PLGRKT: variants seen among roughly 807,000 people sequenced by gnomAD.
The protein encoded by PLGRKT is plasminogen receptor (KT).
In PLGRKT, 22 loss-of-function variants were observed where a neutral mutation model predicts 18.5. That is an observed-to-expected ratio of 1.19 (90% CI 0.85 to 1.70). The LOEUF (loss-of-function observed/expected upper bound fraction) is 1.70, where lower values mean the gene tolerates loss of function less well. PLGRKT is among the 40% of genes most tolerant of loss of function. PLGRKT has a pLI of 0.00. For missense variants in PLGRKT, 235 were observed against 174.4 expected (o/e 1.35, Z -1.96); for synonymous variants, 72 against 52.8 (o/e 1.36, Z -1.58).
At position 5,372,528 on chromosome 9, in the gene PLGRKT, G is replaced by A. The variant is rs147267852; in HGVS notation, c.82-10640C>T. 7.5e-3 allele frequency among the ~76,000 whole-genome samples: 1,148 copies of A among 152,294 alleles called. 11 individuals carry two copies. Among genetic ancestry groups the A allele is most frequent in the African/African-American group, 0.026 (1,093 of 41,560 alleles). On this transcript the variant is annotated intron_variant, in intron 3 of 5. Transcript: ENST00000223864. ...GTAAGTTTGCACTCTACATTATCAG[G>A]AATGATGCAGCCATTCTGGAGAAAT...
At position 5,401,812 on chromosome 9, in the gene PLGRKT, A is replaced by G. The variant is rs199803199; in HGVS notation, c.81+30085T>C. On this transcript the variant is annotated intron_variant, in intron 3 of 5. Coordinates refer to ENST00000223864, the MANE Select transcript of PLGRKT (RefSeq NM_018465.4). Reference sequence around the variant, plus strand: ...TCTGAAAGGTGACATCAATTTTTTTATTTTATTTTTTCCTTCCCAAAGGCG... The same window carrying G: ...TCTGAAAGGTGACATCAATTTTTTTGTTTTATTTTTTCCTTCCCAAAGGCG... Among the ~76,000 whole-genome samples the G allele has an allele frequency of 5.6e-3, 847 of 151,930 alleles. 27 individuals carry two copies. In the East Asian group the frequency reaches 0.085, roughly 15 times the overall value.
chr9:5,371,511 T>C (rs1817515112), intron 3 of PLGRKT, among the ~76,000 whole-genome samples: 1 of 152,200 alleles, frequency 6.6e-6, no homozygotes, highest in African/African-American at 2.4e-5. Flanking sequence ...TCATTTTCTC[T>C]TGCCACCGCC....
intron 2 of PLGRKT, among the ~76,000 whole-genome samples, chr9:5,434,276 T>C (rs1021936988): frequency 1.6e-5 from 2 of 122,814 alleles, no homozygotes; most frequent in African/African-American, 6.5e-5. Context: ...GTCTGGGAGG[T>C]GGGGAGCGCC....
intron 3 of PLGRKT, among the ~76,000 whole-genome samples, chr9:5,430,075 C>T (rs567385844): frequency 3.9e-5 from 6 of 152,224 alleles, no homozygotes; most frequent in African/African-American, 9.6e-5. Flanking sequence ...TCATTTCGCC[C>T]GTGCCCATCT....
intron 3 of PLGRKT, among the ~76,000 whole-genome samples, chr9:5,405,033 C>G (rs2062014938): frequency 6.6e-6 from 1 of 151,932 alleles, no homozygotes; most frequent in African/African-American, 2.4e-5. Context: ...TCACAACTGC[C>G]ACAAAGAAAA....
intron 1 of PLGRKT, chr9:5,437,528 A>T (rs981396516): frequency 1.7e-4 from 26 of 152,210 alleles, no homozygotes; most frequent in African/African-American, 6.0e-4. Flanking sequence ...TTCTGTTGAG[A>T]GCACTGTGCC....
At chr9:5,366,570 A>G (rs1259182669) in intron 3 of PLGRKT, among the ~76,000 whole-genome samples, 1 of 152,302 alleles carries the variant, frequency 6.6e-6, no homozygotes, top group East Asian at 1.9e-4. Context: ...GACGCTCCAC[A>G]AACTAGGCAT....
intron 3 of PLGRKT, among the ~76,000 whole-genome samples, chr9:5,406,503 G>A (rs966471057): frequency 3.3e-5 from 5 of 151,446 alleles, no homozygotes; most frequent in East Asian, 1.9e-4. Flanking sequence ...ACAAACTAAC[G>A]CAGGAACAGA....
chr9:5,394,573 C>A (rs754734035), intron 3 of PLGRKT, among the ~76,000 whole-genome samples: 4 of 151,666 alleles, frequency 2.6e-5, no homozygotes, highest in Admixed American at 2.6e-4. Flanking sequence ...CCACCATGCC[C>A]GGCTAATTTT....
intron 3 of PLGRKT, among the ~76,000 whole-genome samples, chr9:5,413,592 C>T (rs1043806407): frequency 2.6e-5 from 4 of 152,198 alleles, no homozygotes; most frequent in African/African-American, 9.6e-5. Context: ...GGAATGCAGG[C>T]AGCCTCTAGA....
At chr9:5,365,317 C>A (rs1439626893) in intron 3 of PLGRKT, among the ~76,000 whole-genome samples, 1 of 152,112 alleles carries the variant, frequency 6.6e-6, no homozygotes, top group Admixed American at 6.5e-5. Context: ...AAAGCTGGAA[C>A]AATTTTATCA....
Position 5,418,763 on chromosome 9 carries a change from G to T in PLGRKT, c.81+13134C>A. 2 of 717,774 alleles carry T rather than the reference G, an allele frequency of 2.8e-6. No individual in the cohort carries two copies. The allele number at this position is 717,774 out of a possible 1,614,324, so 44.5% of individuals were successfully genotyped here. A position where few individuals can be genotyped will look rare whatever the true frequency, so the allele number is the denominator to read the frequency against. The stretch of plus-strand genomic sequence containing the variant: ...ATGGTGATGACAGCCAGGACCTCGG[G>T]GTCGTCGAGGAGCTGCGACACGGAG... On this transcript the variant is annotated intron_variant, in intron 3 of 5. Coordinates refer to ENST00000223864, the MANE Select transcript of PLGRKT (RefSeq NM_018465.4). The surrounding 1 kb of genome is among the most constrained non-coding windows in gnomAD (Gnocchi z 4.2).
At chr9:5,393,552 A>G (rs1213613535) in intron 3 of PLGRKT, among the ~76,000 whole-genome samples, 1 of 151,894 alleles carries the variant, frequency 6.6e-6, no homozygotes, top group Non-Finnish European at 1.5e-5. Flanking sequence ...CTCAGCAACA[A>G]ATATGGACCT....
intron 2 of PLGRKT, among the ~76,000 whole-genome samples, chr9:5,435,710 T>C (rs1818947140): frequency 6.6e-6 from 1 of 152,226 alleles, no homozygotes; most frequent in South Asian, 2.1e-4. Context: ...TTCAGAATAC[T>C]GCAAAACTCA....
At chr9:5,387,482 T>C (rs950671019) in intron 3 of PLGRKT, among the ~76,000 whole-genome samples, 4 of 151,950 alleles carry the variant, frequency 2.6e-5, no homozygotes, top group African/African-American at 9.7e-5. Context: ...AATGTATTAC[T>C]TCTACAAGCA....
chr9:5,413,131 T>C (rs534502030), intron 3 of PLGRKT, among the ~76,000 whole-genome samples: 8 of 152,340 alleles, frequency 5.3e-5, no homozygotes, highest in East Asian at 1.9e-4. Context: ...TTCAAATTGA[T>C]AAACCCTTCT....
In PLGRKT at chr9:5,434,734, C is replaced by T. The variant is rs370007291; in HGVS notation, c.-7+1835G>A. On this transcript the variant is annotated intron_variant, in intron 2 of 5. Transcript: ENST00000223864. ...GCCGCTCCGTCTGGGAAGTGAGGAG[C>T]GCCTCTGCCCGGCCGCCCTGTCTGG... is the stretch of plus-strand genomic sequence containing the variant. Among the ~76,000 whole-genome samples the T allele has an allele frequency of 5.3e-5, 8 of 150,922 alleles. No homozygotes were observed. In the East Asian group the frequency reaches 1.6e-3, roughly 30 times the overall value.
At chr9:5,408,488 G>C (rs1040673661) in intron 3 of PLGRKT, among the ~76,000 whole-genome samples, 1 of 152,238 alleles carries the variant, frequency 6.6e-6, no homozygotes, top group Non-Finnish European at 1.5e-5. Context: ...TTGAGATGTA[G>C]ACTGGCTGCT....
intron 3 of PLGRKT, among the ~76,000 whole-genome samples, chr9:5,386,913 G>A (rs1336118672): frequency 6.6e-6 from 1 of 151,906 alleles, no homozygotes; most frequent in Non-Finnish European, 1.5e-5. Flanking sequence ...ACTATGAAAT[G>A]CCTGGGGTGT....
Sources: gnomAD v4.1 joint callset for allele counts (sites outside exome capture counted in the v4.1 genomes callset) on GRCh38, gnomAD v4.1.1 for gene constraint, Gnocchi (gnomAD v3.1) non-coding constraint, MANE v1.5 for transcripts, NCBI Gene and HGNC (gene_info 2026-07-23, HGNC 2026-07-21) for gene names.